HS3ST3B1: variants seen among roughly 807,000 people sequenced by gnomAD.
HS3ST3B1 encodes the protein heparan sulfate-glucosamine 3-sulfotransferase 3B1, also known as heparan sulfate glucosamine 3-O-sulfotransferase 3B1.
HS3ST3B1 carries 13 observed loss-of-function variants against 21.3 expected under a neutral mutation model. The ratio of observed to expected loss-of-function variants is 0.61; its 90% CI spans 0.40 to 0.97. The LOEUF is 0.97. Ranked by LOEUF, HS3ST3B1 falls within the 50% of genes least tolerant of loss-of-function variation. HS3ST3B1 has a pLI of 0.00. For missense variants in HS3ST3B1, 459 were observed against 554.8 expected, an observed-to-expected ratio of 0.83 and a Z score of 1.73; for synonymous variants, 234 against 254.8, an observed-to-expected ratio of 0.92 and a Z score of 0.78.
intron 1 of HS3ST3B1, among the ~76,000 whole-genome samples, chr17:14,332,399 C>A (rs28496104): frequency 2.0e-5 from 3 of 151,582 alleles, no homozygotes; most frequent in Non-Finnish European, 2.9e-5. Flanking sequence ...TGCCCTCCCC[C>A]CATAACCTGC....
chr17:14,312,437 G>C (rs1909335401), intron 1 of HS3ST3B1, among the ~76,000 whole-genome samples: 1 of 152,104 alleles, frequency 6.6e-6, no homozygotes, highest in South Asian at 2.1e-4. Flanking sequence ...CAAAGATGTA[G>C]ACTTTTCCAC....
At chr17:14,329,315 GAGAAAGAAAGAAAGAAAGAA>G (rs1555549452) in intron 1 of HS3ST3B1, 4 of 94,696 alleles carry the variant, frequency 4.2e-5, no homozygotes, top group Non-Finnish European at 6.1e-5. Context: ...GAGAGAAAGA[GAGAAAGAAAGAAAGAAAGAA>G]AGAAAGAAAG....
chr17:14,342,677 A>AT (rs887850150), intron 1 of HS3ST3B1, among the ~76,000 whole-genome samples: 27 of 152,132 alleles, frequency 1.8e-4, no homozygotes, highest in Non-Finnish European at 3.7e-4. Context: ...TGGTGGCTCC[A>AT]TTTTTGTGGA....
At chr17:14,335,449 C>T (rs1003707348) in intron 1 of HS3ST3B1, among the ~76,000 whole-genome samples, 3 of 151,966 alleles carry the variant, frequency 2.0e-5, no homozygotes, top group Admixed American at 1.3e-4. Context: ...AATCCCAACA[C>T]TTTGGGAGGC....
chr17:14,334,942 G>A (rs118031711), intron 1 of HS3ST3B1, among the ~76,000 whole-genome samples: 36 of 152,196 alleles, frequency 2.4e-4, no homozygotes, highest in Middle Eastern at 3.4e-3. Context: ...TGTAGATGCT[G>A]GGAACATGTT....
chr17:14,307,069 A>C (rs887175100), intron 1 of HS3ST3B1, among the ~76,000 whole-genome samples: 2 of 152,226 alleles, frequency 1.3e-5, no homozygotes, highest in African/African-American at 4.8e-5. Flanking sequence ...AATAGTCAAA[A>C]TTTAATAGCA....
chr17:14,330,608 A>C (rs1027371943), intron 1 of HS3ST3B1, among the ~76,000 whole-genome samples: 1 of 143,498 alleles, frequency 7.0e-6, no homozygotes, highest in Non-Finnish European at 1.5e-5. Flanking sequence ...AGGTTTAGTG[A>C]TTTTCATCAA....
chr17:14,308,984 G>A (rs953578783), intron 1 of HS3ST3B1, among the ~76,000 whole-genome samples: 5 of 152,238 alleles, frequency 3.3e-5, no homozygotes, highest in Admixed American at 2.6e-4. Flanking sequence ...AGAGCAGTGA[G>A]AATCCCACTC....
chr17:14,317,106 C>T (rs573164183), intron 1 of HS3ST3B1, among the ~76,000 whole-genome samples: 2 of 152,332 alleles, frequency 1.3e-5, no homozygotes, highest in South Asian at 4.1e-4. Flanking sequence ...AGAGTGGGAT[C>T]CTCTATTGCA....
At position 14,345,053 on chromosome 17, in the gene HS3ST3B1, G is replaced by A. The variant is rs192174474; in HGVS notation, c.580G>A (p.Gly194Arg). 7 of 1,598,268 alleles carry A rather than the reference G, an allele frequency of 4.4e-6. No homozygotes were observed. In the Admixed American group the frequency reaches 6.8e-5, roughly 16 times the overall value. ...GGACCTGATGCCCAGAACCCTGGAC[G>A]GGCAGATCACCATGGAGAAGACGCC... The part of the protein sequence containing the change: ...YRDLMPRTLD[G>R]QITMEKTPSY... Residue 194 changes from glycine to arginine, a missense_variant, in exon 2 of 2, where the codon GGG becomes AGG. This residue lies in a region of HS3ST3B1 where 317 missense variants were observed against 278.6 expected (regional missense o/e 1.14). Coordinates refer to ENST00000360954, the MANE Select transcript of HS3ST3B1 (RefSeq NM_006041.3).
At chr17:14,309,564 C>T (rs1469977987) in intron 1 of HS3ST3B1, among the ~76,000 whole-genome samples, 4 of 152,190 alleles carry the variant, frequency 2.6e-5, no homozygotes, top group African/African-American at 9.6e-5. Context: ...GCGCGCCCCG[C>T]CCCCGCCGGT....
rs755307808 is a variant in HS3ST3B1, at chr17:14,301,595, C to G, written c.77C>G (p.Pro26Arg). Residue 26 changes from proline (P) to arginine (R), a missense_variant, in exon 1 of 2, where the codon CCG (proline) becomes CGG (arginine). This residue lies in a region of HS3ST3B1 where 317 missense variants were observed against 278.6 expected (regional missense o/e 1.14). Transcript: ENST00000360954. ...CTCCTACCGCAGCCGCCGCCGCCCC[C>G]GCCGCCGGTGAGGAGGAAGCTCGCG... ...GRLLPQPPPP[P>R]PPVRRKLALL... The G allele has an allele frequency of 4.4e-6, 7 of 1,602,752 alleles. No homozygotes were observed. The highest frequency in any genetic ancestry group is 5.9e-6 in the Non-Finnish European group (7 of 1,178,442).
chr17:14,338,375 T>A (rs373545767), intron 1 of HS3ST3B1, among the ~76,000 whole-genome samples: 1 of 151,708 alleles, frequency 6.6e-6, no homozygotes. Flanking sequence ...CTGCCCACCT[T>A]GGCCTCCCAA....
In HS3ST3B1 at chr17:14,301,106, G is replaced by A. The variant is rs115229628; in HGVS notation, c.-413G>A. On this transcript the variant is annotated 5_prime_UTR_variant, in exon 1 of 2. Transcript: ENST00000360954. ...GCAGTTCGCCTCTGCAGCCTCTGCG[G>A]GGAAGTGCCGGGGCTGCTCGAGGCT... The A allele has an allele frequency of 0.011, 2,115 of 197,302 alleles. 42 individuals are homozygous for A. The highest frequency in any genetic ancestry group is 0.046 in the African/African-American group (1,987 of 43,084). 12.2% of individuals were successfully genotyped at this position (197,302 alleles called of 1,614,324 possible). A position where few individuals can be genotyped will look rare whatever the true frequency, so the allele number is the denominator to read the frequency against.
intron 1 of HS3ST3B1, among the ~76,000 whole-genome samples, chr17:14,302,333 A>G (rs1908963280): frequency 6.6e-6 from 1 of 152,194 alleles, no homozygotes; most frequent in Non-Finnish European, 1.5e-5. Flanking sequence ...GCCGCAAAGA[A>G]GAAGGGCAGC....
intron 1 of HS3ST3B1, among the ~76,000 whole-genome samples, chr17:14,330,550 G>GGTGTGTGT (rs60767866): frequency 0.082 from 11,783 of 144,050 alleles, 587 homozygotes; most frequent in Admixed American, 0.17. Context: ...CTGGTTTCCC[G>GGTGTGTGT]GTGTGTGTGT....
rs139125026 is a variant in HS3ST3B1, at chr17:14,344,209, T to A, written c.555-819T>A. ...GCCACTGTGCCCAGCCTGGTTTTTT[T>A]ATTATTATTATCGTTGTTGTTGTTT... On this transcript the variant is annotated intron_variant, in intron 1 of 1. Transcript: ENST00000360954. 5.3e-5 allele frequency among the ~76,000 whole-genome samples: 8 copies of A among 152,310 alleles called. No homozygotes were observed. The East Asian group carries it at 1.5e-3, about 29-fold the overall frequency.
At chr17:14,342,663 G>A (rs761428818) in intron 1 of HS3ST3B1, among the ~76,000 whole-genome samples, 1 of 152,034 alleles carries the variant, frequency 6.6e-6, no homozygotes, top group Non-Finnish European at 1.5e-5. Flanking sequence ...CCATGAATAC[G>A]TATTGGTGGC....
intron 1 of HS3ST3B1, among the ~76,000 whole-genome samples, chr17:14,326,680 A>T (rs1277549682): frequency 6.6e-6 from 1 of 151,996 alleles, no homozygotes; most frequent in Non-Finnish European, 1.5e-5. Flanking sequence ...GCAGTTTGGG[A>T]GGCCGAGGCG....
Sources: gnomAD v4.1 joint callset for allele counts (sites outside exome capture counted in the v4.1 genomes callset) on GRCh38, gnomAD v4.1.1 for gene constraint, gnomAD v4.1.1 regional missense constraint, MANE v1.5 for transcripts, NCBI Gene and HGNC (gene_info 2026-07-23, HGNC 2026-07-21) for gene names.